Variants in DOK7 observed in about 807,000 individuals in gnomAD.
The protein encoded by DOK7 is protein Dok-7.
A neutral mutation model predicts 30.7 loss-of-function variants in DOK7; 32 were observed. That is an observed-to-expected ratio of 1.04 (90% CI 0.79 to 1.40). The LOEUF (loss-of-function observed/expected upper bound fraction) is 1.40, where lower values mean the gene tolerates loss of function less well. Among genes scored for constraint, DOK7 ranks in the 40% most tolerant of loss-of-function variants. The probability of loss-of-function intolerance (pLI) is 0.00; values close to 1 mark genes in which losing one functional copy is unlikely to be tolerated. For missense variants in DOK7, 1,007 were observed against 699.2 expected, an observed-to-expected ratio of 1.44 and a Z score of -4.97; for synonymous variants, 447 against 324.1, an observed-to-expected ratio of 1.38 and a Z score of -4.07.
chr4:3,492,830 A>G lies in DOK7; in HGVS notation c.844A>G (p.Thr282Ala). Reference sequence around the variant, plus strand: ...GGACGTCAGCGCCAGCAGCCGGCTCACCGCATGGCCAGAGCAATCCTCGTC... The same window carrying G: ...GGACGTCAGCGCCAGCAGCCGGCTCGCCGCATGGCCAGAGCAATCCTCGTC... The part of the protein sequence containing the change: ...HLDVSASSRL[T>A]AWPEQSSSSA... The change falls in exon 7 of 7, where the codon ACC becomes GCC. Residue 282 changes from threonine (T) to alanine (A), a missense_variant. Transcript: ENST00000340083. 1.2e-6 allele frequency: 2 copies of G among 1,612,496 alleles called. No individual in the cohort carries two copies. Among genetic ancestry groups the G allele is most frequent in the Non-Finnish European group, 8.5e-7 (1 of 1,179,904 alleles).
intron 3 of DOK7, 85 bp downstream of exon 3, chr4:3,473,721 A>G: frequency 1.2e-5 from 15 of 1,302,482 alleles, no homozygotes; most frequent in Non-Finnish European, 1.6e-5. Flanking sequence ...CAGAGGTGGG[A>G]GCGGCTCCAG....
rs141224335 is a variant in DOK7 at position 3,479,423 on chromosome 4, T to C, written c.532+2881T>C. Reference sequence around the variant, plus strand: ...CTGGGGCCACTGGGACGGAGAAATATCCAGAATCTGAATCCCAATAAGTCT... The same window carrying C: ...CTGGGGCCACTGGGACGGAGAAATACCCAGAATCTGAATCCCAATAAGTCT... On this transcript the variant is annotated intron_variant, in intron 4 of 6. Transcript: ENST00000340083. Among the ~76,000 whole-genome samples the C allele has an allele frequency of 2.6e-3, 397 of 152,318 alleles. 5 individuals are homozygous for C. Among genetic ancestry groups the C allele is most frequent in the African/African-American group, 9.2e-3 (383 of 41,584 alleles).
chr4:3,478,366 C>CA (rs1346574407), intron 4 of DOK7, among the ~76,000 whole-genome samples: 1 of 152,236 alleles, frequency 6.6e-6, no homozygotes, highest in Non-Finnish European at 1.5e-5. Context: ...TGCTTCTCCC[C>CA]AGGGCGAGGC....
At position 3,475,486 on chromosome 4, in the gene DOK7, CT is replaced by C. The variant is rs1026690886; in HGVS notation, c.332-855del. On this transcript the variant is annotated intron_variant, in intron 3 of 6. Transcript: ENST00000340083. ...GCTGCTGTCTGCCTGGTGTGCTGAC[CT>C]GGGAAGACAGGGGAGGTGGGGACAG... is the stretch of plus-strand genomic sequence containing the variant. Among the ~76,000 whole-genome samples, 19 of 152,280 alleles carry C rather than the reference CT, an allele frequency of 1.2e-4. No homozygotes were observed. The East Asian group carries it at 2.9e-3, about 23-fold the overall frequency.
At chr4:3,497,441 G>A (rs1364281851), downstream of DOK7, among the ~76,000 whole-genome samples, 1 of 152,020 alleles carries the variant, frequency 6.6e-6, no homozygotes, top group Non-Finnish European at 1.5e-5. Flanking sequence ...GGGAAGGTAC[G>A]GATCCCCAGG....
At chr4:3,480,189 T>C (rs1727355847) in intron 4 of DOK7, among the ~76,000 whole-genome samples, 1 of 152,062 alleles carries the variant, frequency 6.6e-6, no homozygotes, top group Admixed American at 6.6e-5. Flanking sequence ...CTTTTGGAGG[T>C]GCCCCCTTTT....
intron 2 of DOK7, among the ~76,000 whole-genome samples, chr4:3,472,514 G>A (rs796150407): frequency 3.3e-5 from 5 of 152,356 alleles, no homozygotes; most frequent in Non-Finnish European, 5.9e-5. Flanking sequence ...GAGCCATGCC[G>A]GGAGGGCCGG....
At chr4:3,471,929 A>C (rs1276916630) in intron 2 of DOK7, among the ~76,000 whole-genome samples, 1 of 152,236 alleles carries the variant, frequency 6.6e-6, no homozygotes, top group Non-Finnish European at 1.5e-5. Flanking sequence ...CCGCGCCCAC[A>C]CCACGCCTTG....
At chr4:3,484,817 A>AT in intron 4 of DOK7, 1 of 985,540 alleles carries the variant, frequency 1.0e-6, no homozygotes, top group Non-Finnish European at 1.2e-6. Flanking sequence ...GCTGGCCAGC[A>AT]GTGACGGCTG....
downstream of DOK7, among the ~76,000 whole-genome samples, chr4:3,498,024 A>C (rs544534209): frequency 1.4e-3 from 210 of 152,252 alleles, no homozygotes; most frequent in African/African-American, 4.6e-3. Flanking sequence ...GAGGATGTGA[A>C]TCTTTTCCAC....
chr4:3,476,532 G>C lies in DOK7; in HGVS notation c.522G>C (p.Arg174Ser), dbSNP rs762376200. The change falls in exon 4 of 7, where the codon AGG becomes AGC. Residue 174 changes from arginine to serine, a missense_variant. By Grantham distance (110) the Arg-to-Ser change is moderately radical. Transcript: ENST00000340083. The part of the protein sequence containing the change: ...PSGFIFEGGT[R>S]CGYWAGVFFL... ...GATTCATCTTTGAAGGCGGGACCAGGTGTGGGTACTGTAAGTACGGATGTG... is the reference window on the plus strand; with the variant it reads ...GATTCATCTTTGAAGGCGGGACCAGCTGTGGGTACTGTAAGTACGGATGTG... 8.7e-6 allele frequency: 14 copies of C among 1,613,930 alleles called. No homozygotes were observed. Among genetic ancestry groups the C allele is most frequent in the Non-Finnish European group, 1.2e-5 (14 of 1,180,036 alleles).
intron 6 of DOK7, among the ~76,000 whole-genome samples, chr4:3,491,111 C>T (rs1363031766): frequency 8.0e-6 from 1 of 125,384 alleles, no homozygotes; most frequent in Non-Finnish European, 1.7e-5. Context: ...CTTCCCTCTC[C>T]CCCTGCTCGT....
intron 2 of DOK7, among the ~76,000 whole-genome samples, chr4:3,468,946 C>G (rs983566178): frequency 7.5e-6 from 1 of 133,794 alleles, no homozygotes; most frequent in African/African-American, 3.0e-5. Flanking sequence ...CTTTTGTGCA[C>G]GTGTGAGTGT....
At position 3,488,302 on chromosome 4, in the gene DOK7, C is replaced by T. The variant is rs190471834; in HGVS notation, c.653-1375C>T. On this transcript the variant is annotated intron_variant, in intron 5 of 6. Transcript: ENST00000340083. ...CCGGTGCTGTGAGCTCTCACCTGCC[C>T]GTGGGGAGGGCCCTGTTCTGAGGTC... 2.4e-4 allele frequency among the ~76,000 whole-genome samples: 36 copies of T among 152,322 alleles called. No homozygotes were observed. In the East Asian group the frequency reaches 5.2e-3, roughly 22 times the overall value.
chr4:3,468,110 G>A (rs573587374), intron 2 of DOK7, among the ~76,000 whole-genome samples: 14 of 152,332 alleles, frequency 9.2e-5, no homozygotes, highest in Non-Finnish European at 1.6e-4. Flanking sequence ...CTGTGTCCAC[G>A]TGTGTGTGCA....
downstream of DOK7, among the ~76,000 whole-genome samples, chr4:3,496,461 G>T (rs1039106606): frequency 6.6e-6 from 1 of 152,248 alleles, no homozygotes; most frequent in African/African-American, 2.4e-5. Context: ...ACCTTGCATG[G>T]GCGTGGTACT....
chr4:3,491,369 G>GCTCCCCCTGCTCGTTCATTCCTTCCTT (rs1728420563), intron 6 of DOK7, among the ~76,000 whole-genome samples: 2 of 29,890 alleles, frequency 6.7e-5, no homozygotes, highest in Non-Finnish European at 1.4e-4. Context: ...TCCTTCCTCT[G>GCTCCCCCTGCTCGTTCATTCCTTCCTT]CTCCCCCTGC....
At chr4:3,500,339 A>G (rs1729128590) in exon 7 of DOK7, 3 of 1,535,836 alleles carry the variant, frequency 2.0e-6, no homozygotes, top group Non-Finnish European at 1.7e-6. Flanking sequence ...CCGTCAGCCC[A>G]TCCTCCAGAA....
At chr4:3,492,346 A>C in intron 6 of DOK7, among the ~76,000 whole-genome samples, 1 of 151,672 alleles carries the variant, frequency 6.6e-6, no homozygotes, top group Non-Finnish European at 1.5e-5. Context: ...GGACGTCCAG[A>C]CCAGCCTGGG....
Sources: gnomAD v4.1 joint callset for allele counts (sites outside exome capture counted in the v4.1 genomes callset) on GRCh38, gnomAD v4.1.1 for gene constraint, MANE v1.5 for transcripts, NCBI Gene and HGNC (gene_info 2026-07-23, HGNC 2026-07-21) for gene names.